SLC7A2: variants seen among roughly 807,000 people sequenced by gnomAD.
SLC7A2 encodes the protein solute carrier family 7 member 2.
A neutral mutation model predicts 58.9 loss-of-function variants in SLC7A2; 48 were observed. The ratio of observed to expected loss-of-function variants is 0.82; its 90% confidence interval spans 0.65 to 1.04. SLC7A2 has a LOEUF of 1.04. Among genes scored for constraint, SLC7A2 ranks in the 50% least tolerant of loss-of-function variants. The probability of loss-of-function intolerance (pLI) is 0.00; values close to 1 mark genes in which losing one functional copy is unlikely to be tolerated. For synonymous variants in SLC7A2, 363 were observed against 314.5 expected (o/e 1.15, Z -1.63); for missense variants, 1,029 against 818.8 (o/e 1.26, Z -3.13).
chr8:17,504,936 G>A (rs759480068), intron 2 of SLC7A2, among the ~76,000 whole-genome samples: 21 of 152,068 alleles, frequency 1.4e-4, no homozygotes, highest in Non-Finnish European at 2.4e-4. Flanking sequence ...CCTTTACTCC[G>A]ATCTGCTGGC....
chr8:17,565,226 T>C lies in SLC7A2; in HGVS notation c.*80T>C. 2 of 1,154,442 alleles carry C rather than the reference T, an allele frequency of 1.7e-6. No individual in the cohort carries two copies. The highest frequency in any genetic ancestry group is 2.5e-6 in the Non-Finnish European group (2 of 813,532). 71.5% of individuals were successfully genotyped at this position (1,154,442 alleles called of 1,614,324 possible). A position where few individuals can be genotyped will look rare whatever the true frequency, so the allele number is the denominator to read the frequency against. On this transcript the variant is annotated 3_prime_UTR_variant, in exon 13 of 13. Coordinates refer to ENST00000494857, the MANE Select transcript of SLC7A2 (RefSeq NM_001370338.1). ...AAACCGTAACGGGATGTCATCAGCA[T>C]GCTGGGTTGTCATGGGTTTGCTGCA...
intron 1 of SLC7A2, among the ~76,000 whole-genome samples, chr8:17,498,493 T>C (rs1800034899): frequency 6.6e-6 from 1 of 152,226 alleles, no homozygotes; most frequent in African/African-American, 2.4e-5. Context: ...TTTTTTATTT[T>C]AATTGCACTG....
intron 2 of SLC7A2, among the ~76,000 whole-genome samples, chr8:17,504,505 T>C (rs1054063297): frequency 2.6e-5 from 4 of 152,224 alleles, no homozygotes; most frequent in East Asian, 1.9e-4. Flanking sequence ...TGGGATAAAA[T>C]TGAGGTCATT....
chr8:17,517,256 T>A (rs1049414088), intron 2 of SLC7A2, among the ~76,000 whole-genome samples: 1 of 152,146 alleles, frequency 6.6e-6, no homozygotes, highest in Non-Finnish European at 1.5e-5. Context: ...CCTGATATTA[T>A]CAGAGGTCAT....
chr8:17,517,032 G>A (rs1008843316), intron 2 of SLC7A2, among the ~76,000 whole-genome samples: 3 of 152,186 alleles, frequency 2.0e-5, no homozygotes, highest in African/African-American at 7.2e-5. Context: ...GGCTTGTGCT[G>A]TTAAGGCATT....
intron 2 of SLC7A2, among the ~76,000 whole-genome samples, chr8:17,524,418 G>A (rs1474977368): frequency 6.6e-5 from 9 of 136,596 alleles, no homozygotes; most frequent in African/African-American, 2.4e-4. Context: ...GTGTGTGTGT[G>A]TGTACACACA....
chr8:17,496,991 G>A (rs1316182453), upstream of SLC7A2: 1 of 150,742 alleles, frequency 6.6e-6, no homozygotes, highest in African/African-American at 2.4e-5. Flanking sequence ...CGGGCTCGGG[G>A]TCGCGTTCCG....
chr8:17,538,922 T>A, intron 2 of SLC7A2: 2 of 1,612,442 alleles, frequency 1.2e-6, no homozygotes, highest in South Asian at 2.2e-5. Context: ...AAGTTTCTCC[T>A]GTAAGATTTA....
intron 2 of SLC7A2, among the ~76,000 whole-genome samples, chr8:17,525,202 C>G (rs1252852157): frequency 6.6e-6 from 1 of 152,026 alleles, no homozygotes; most frequent in East Asian, 1.9e-4. Context: ...ATTAGAAGGC[C>G]TATCTTCATT....
At chr8:17,547,312 A>T (rs932366281) in intron 4 of SLC7A2, among the ~76,000 whole-genome samples, 1 of 152,116 alleles carries the variant, frequency 6.6e-6, no homozygotes, top group Non-Finnish European at 1.5e-5. Flanking sequence ...ATCAGATCTC[A>T]TGAGGTGTAT....
rs753479751 is a variant in SLC7A2 at position 17,544,558 on chromosome 8, G to C, written c.484G>C (p.Ala162Pro). ...CTTCAGAATGAATTACACTGGTCTT[G>C]CAGAATATCCCGATTTTTTTGCTGT... is the stretch of plus-strand genomic sequence containing the variant. ...TYFRMNYTGL[A>P]EYPDFFAVCL... The change falls in exon 4 of 13, where the codon GCA (alanine) becomes CCA (proline). Residue 162 changes from alanine (A) to proline (P), a missense_variant. Transcript: ENST00000494857. The C allele has an allele frequency of 1.9e-6, 3 of 1,613,894 alleles. No individual in the cohort carries two copies. In the East Asian group the frequency reaches 6.7e-5, roughly 36 times the overall value.
chr8:17,501,149 G>T (rs1800144160), intron 1 of SLC7A2, among the ~76,000 whole-genome samples: 1 of 152,052 alleles, frequency 6.6e-6, no homozygotes, highest in Non-Finnish European at 1.5e-5. Context: ...GAGTAGCTGG[G>T]ATTACAGGCG....
intron 2 of SLC7A2, among the ~76,000 whole-genome samples, chr8:17,513,679 C>T (rs1800691088): frequency 6.6e-6 from 1 of 152,130 alleles, no homozygotes; most frequent in African/African-American, 2.4e-5. Context: ...ATCATTTTTA[C>T]AAGACATCAT....
chr8:17,540,912 G>A (rs1048047394), intron 2 of SLC7A2, among the ~76,000 whole-genome samples: 9 of 151,974 alleles, frequency 5.9e-5, no homozygotes, highest in Admixed American at 1.3e-4. Context: ...TGCAATAGTC[G>A]TAGAATTTAT....
chr8:17,514,443 A>G (rs1478114662), intron 2 of SLC7A2, among the ~76,000 whole-genome samples: 1 of 152,254 alleles, frequency 6.6e-6, no homozygotes, highest in Non-Finnish European at 1.5e-5. Flanking sequence ...ACAATGGCAT[A>G]TAATGCAATA....
At chr8:17,554,050 T>G (rs1802575424) in intron 7 of SLC7A2, among the ~76,000 whole-genome samples, 1 of 152,142 alleles carries the variant, frequency 6.6e-6, no homozygotes, top group Admixed American at 6.5e-5. Flanking sequence ...ACTAACTTGA[T>G]CCAAGATCAG....
At chr8:17,535,480 G>C (rs1801625745) in intron 2 of SLC7A2, among the ~76,000 whole-genome samples, 1 of 152,336 alleles carries the variant, frequency 6.6e-6, no homozygotes, top group East Asian at 1.9e-4. Context: ...GCCATCATCT[G>C]TGTGTCTGTG....
chr8:17,548,003 T>G (rs1585247048), intron 4 of SLC7A2, among the ~76,000 whole-genome samples: 3 of 152,336 alleles, frequency 2.0e-5, no homozygotes, highest in African/African-American at 7.2e-5. Context: ...TTATGTATTT[T>G]GTGTGCATGG....
intron 2 of SLC7A2, among the ~76,000 whole-genome samples, chr8:17,512,712 C>G (rs1800654622): frequency 6.6e-6 from 1 of 152,130 alleles, no homozygotes; most frequent in Non-Finnish European, 1.5e-5. Flanking sequence ...TAAATGCATT[C>G]ACATCGTTGT....
Sources: gnomAD v4.1 joint callset for allele counts (sites outside exome capture counted in the v4.1 genomes callset) on GRCh38, gnomAD v4.1.1 for gene constraint, MANE v1.5 for transcripts, NCBI Gene and HGNC (gene_info 2026-07-23, HGNC 2026-07-21) for gene names.